DISP1: variants seen among roughly 807,000 people sequenced by gnomAD.
The protein encoded by DISP1 is protein dispatched homolog 1.
In DISP1, 30 loss-of-function variants were observed where a neutral mutation model predicts 37.3. That is an observed-to-expected ratio of 0.80 (90% confidence interval 0.60 to 1.09). The LOEUF (loss-of-function observed/expected upper bound fraction) is 1.09, where lower values mean the gene tolerates loss of function less well. Ranked by LOEUF, DISP1 falls within the 50% of genes least tolerant of loss-of-function variation. The probability of loss-of-function intolerance (pLI) is 0.00; values close to 1 mark genes in which losing one functional copy is unlikely to be tolerated. For synonymous variants in DISP1, 634 were observed against 690.2 expected, an observed-to-expected ratio of 0.92 and a Z score of 1.28; for missense variants, 1,598 against 1,879.5, an observed-to-expected ratio of 0.85 and a Z score of 2.77.
chr1:222,906,093 A>G (rs1671872008), intron 1 of DISP1, among the ~76,000 whole-genome samples: 1 of 152,166 alleles, frequency 6.6e-6, no homozygotes, highest in Admixed American at 6.5e-5. Context: ...CCGAGCATCA[A>G]CTTTTAATTA....
intron 1 of DISP1, among the ~76,000 whole-genome samples, chr1:222,879,785 GA>G (rs1670173894): frequency 6.6e-6 from 1 of 151,966 alleles, no homozygotes; most frequent in African/African-American, 2.4e-5. Context: ...ACATTAAAAA[GA>G]ATTTAATTTC....
intron 3 of DISP1, among the ~76,000 whole-genome samples, chr1:222,944,223 G>C (rs1386831647): frequency 6.6e-6 from 1 of 152,080 alleles, no homozygotes; most frequent in African/African-American, 2.4e-5. Flanking sequence ...AATATTTTTT[G>C]TAAAGCATTT....
At chr1:222,821,592 T>G (rs1662939148) in intron 1 of DISP1, among the ~76,000 whole-genome samples, 1 of 152,154 alleles carries the variant, frequency 6.6e-6, no homozygotes, top group Admixed American at 6.5e-5. Flanking sequence ...GTGGCAGTTT[T>G]CGGCCAGGTG....
At chr1:222,828,593 C>G (rs1489236959) in intron 1 of DISP1, among the ~76,000 whole-genome samples, 1 of 152,092 alleles carries the variant, frequency 6.6e-6, no homozygotes, top group African/African-American at 2.4e-5. Flanking sequence ...CCCTCAGGAG[C>G]TTTATGTGAG....
intron 1 of DISP1, among the ~76,000 whole-genome samples, chr1:222,897,796 T>C (rs917032952): frequency 5.3e-5 from 8 of 152,150 alleles, no homozygotes; most frequent in African/African-American, 1.9e-4. Context: ...TACATACCAG[T>C]TTTATTATAT....
At chr1:222,894,622 A>G (rs2125393278) in intron 1 of DISP1, among the ~76,000 whole-genome samples, 1 of 152,290 alleles carries the variant, frequency 6.6e-6, no homozygotes, top group African/African-American at 2.4e-5. Context: ...TCGGGCCCCC[A>G]AGAGTGCAGA....
intron 2 of DISP1, among the ~76,000 whole-genome samples, chr1:222,940,449 C>T (rs1033371090): frequency 6.6e-6 from 1 of 152,186 alleles, no homozygotes; most frequent in African/African-American, 2.4e-5. Context: ...CCACCTCCAA[C>T]ACTGAGGATT....
chr1:222,948,965 T>C (rs986818170), intron 3 of DISP1, among the ~76,000 whole-genome samples: 2 of 152,246 alleles, frequency 1.3e-5, no homozygotes, highest in Admixed American at 1.3e-4. Flanking sequence ...ATTTGCTACT[T>C]ACCACCTTTT....
At chr1:222,966,404 G>GTT (rs1416910828) in intron 3 of DISP1, among the ~76,000 whole-genome samples, 1 of 152,136 alleles carries the variant, frequency 6.6e-6, no homozygotes, top group African/African-American at 2.4e-5. Context: ...TACCTCATAA[G>GTT]TCATTGGAAA....
intron 3 of DISP1, among the ~76,000 whole-genome samples, chr1:222,947,786 CAGTA>C (rs1443280038): frequency 3.3e-5 from 5 of 151,250 alleles, no homozygotes; most frequent in African/African-American, 9.7e-5. Flanking sequence ...AAAAAAAACA[CAGTA>C]AGAAACATTT....
intron 8 of DISP1, among the ~76,000 whole-genome samples, chr1:222,997,263 T>A (rs1679142844): frequency 6.6e-6 from 1 of 152,158 alleles, no homozygotes; most frequent in East Asian, 1.9e-4. Flanking sequence ...ATCTTGTACA[T>A]TTGCTGATGG....
At chr1:222,963,149 A>C (rs1402125200) in intron 3 of DISP1, among the ~76,000 whole-genome samples, 2 of 152,268 alleles carry the variant, frequency 1.3e-5, no homozygotes, top group Non-Finnish European at 2.9e-5. Flanking sequence ...GAAGACATTT[A>C]TGCGGCCAAG....
chr1:222,889,933 A>G (rs181183605), intron 1 of DISP1, among the ~76,000 whole-genome samples: 1 of 152,274 alleles, frequency 6.6e-6, no homozygotes, highest in Non-Finnish European at 1.5e-5. Context: ...TTATTGGCAT[A>G]TGTTTCTAAA....
chr1:222,859,212 T>C (rs539263845), intron 1 of DISP1, among the ~76,000 whole-genome samples: 1 of 152,276 alleles, frequency 6.6e-6, no homozygotes, highest in Non-Finnish European at 1.5e-5. Flanking sequence ...GCCATTACCC[T>C]CAGCAAACTA....
intron 3 of DISP1, among the ~76,000 whole-genome samples, chr1:222,946,530 A>G (rs905009729): frequency 2.0e-5 from 3 of 151,930 alleles, no homozygotes; most frequent in African/African-American, 4.8e-5. Flanking sequence ...TTACTTTGCT[A>G]TTTTCTACAT....
intron 3 of DISP1, among the ~76,000 whole-genome samples, chr1:222,944,733 T>C (rs1002865390): frequency 4.8e-4 from 73 of 152,258 alleles, no homozygotes; most frequent in African/African-American, 1.5e-3. Context: ...AGTGGAATCA[T>C]ACAGTATGCA....
At chr1:222,875,427 T>C (rs1014170993) in intron 1 of DISP1, among the ~76,000 whole-genome samples, 7 of 152,114 alleles carry the variant, frequency 4.6e-5, no homozygotes, top group Non-Finnish European at 7.4e-5. Context: ...TACAAATTAT[T>C]GTGACTCTTA....
Position 222,893,756 on chromosome 1 carries a change from G to A in DISP1, c.-158-34674G>A, listed in dbSNP as rs1344343405. Among the ~76,000 whole-genome samples, 4 of 152,318 alleles carry A rather than the reference G, an allele frequency of 2.6e-5. No homozygotes were observed. The highest frequency in any genetic ancestry group is 2.6e-4 in the Admixed American group (4 of 15,304). On this transcript the variant is annotated intron_variant, in intron 1 of 8. Coordinates refer to ENST00000675850, the MANE Select transcript of DISP1 (RefSeq NM_001377229.1). This position sits in a 1 kb window ranked among gnomAD's most constrained non-coding sequence, Gnocchi z 4.3. ...ACCCTGGCTCCGGGAGCTCCTAGAT[G>A]TGGGCTCCCTTCTCTCCTTCTTGTT...
intron 1 of DISP1, among the ~76,000 whole-genome samples, chr1:222,899,568 C>G (rs1671468464): frequency 6.6e-6 from 1 of 152,004 alleles, no homozygotes; most frequent in African/African-American, 2.4e-5. Flanking sequence ...GATTGTTTAA[C>G]CTAGAGCAAG....
Sources: allele counts gnomAD v4.1 joint callset (sites outside exome capture counted in the v4.1 genomes callset), GRCh38; gene constraint gnomAD v4.1.1; non-coding constraint Gnocchi (gnomAD v3.1); transcripts MANE v1.5; gene names NCBI Gene and HGNC (gene_info 2026-07-23, HGNC 2026-07-21).